The following YEATS2 variants were observed in gnomAD, a reference collection of about 807,000 sequenced individuals.
YEATS2 encodes YEATS domain containing 2, also known as YEATS domain-containing protein 2.
YEATS2 carries 77 observed loss-of-function variants against 163.2 expected under a neutral mutation model. The observed-to-expected ratio is 0.47, with a 90% CI of 0.39 to 0.57. The LOEUF (loss-of-function observed/expected upper bound fraction) is 0.57. Ranked by LOEUF, YEATS2 falls within the 20% of genes least tolerant of loss-of-function variation. YEATS2 has a pLI of 0.00. For missense variants in YEATS2, 1,549 were observed against 1,729.8 expected, an observed-to-expected ratio of 0.90 and a Z score of 1.85; for synonymous variants, 631 against 645.1, an observed-to-expected ratio of 0.98 and a Z score of 0.33.
intron 4 of YEATS2, among the ~76,000 whole-genome samples, chr3:183,721,062 T>G (rs1325126908): frequency 6.6e-6 from 1 of 152,238 alleles, no homozygotes; most frequent in Non-Finnish European, 1.5e-5. Context: ...ATCTGTGCTA[T>G]TTGATAGTCT....
At chr3:183,762,738 TG>T (rs1319885856) in intron 15 of YEATS2, among the ~76,000 whole-genome samples, 2 of 151,816 alleles carry the variant, frequency 1.3e-5, no homozygotes, top group Non-Finnish European at 2.9e-5. Context: ...GGAGAATTAA[TG>T]TATTGAGAGA....
At chr3:183,698,106 C>A (rs1382888699) in intron 1 of YEATS2, 113 bp downstream of exon 1, 1 of 151,954 alleles carries the variant, frequency 6.6e-6, no homozygotes, top group African/African-American at 2.4e-5. Context: ...CATCGGCAGG[C>A]AGCGCGGCAG....
intron 4 of YEATS2, among the ~76,000 whole-genome samples, chr3:183,720,927 G>A (rs1241205309): frequency 6.6e-6 from 1 of 152,100 alleles, no homozygotes; most frequent in Non-Finnish European, 1.5e-5. Flanking sequence ...TTCCCTCTGT[G>A]TGTGTCTTCT....
At chr3:183,790,737 G>A (rs572079361) in intron 20 of YEATS2, 60 bp from the exon 21 acceptor site, 249 of 1,572,890 alleles carry the variant, frequency 1.6e-4, no homozygotes, top group Middle Eastern at 3.4e-4. Context: ...CGTCACCGCC[G>A]TCAGTCATCA....
In YEATS2 at chr3:183,790,780, ACCC is replaced by A; in HGVS notation, c.2914-15_2914-13del. On this transcript the variant is annotated splice_polypyrimidine_tract_variant and intron_variant, in intron 20 of 30. Coordinates refer to ENST00000305135, the MANE Select transcript of YEATS2 (RefSeq NM_018023.5). ...TTCTTCCTGAACTGTGTTGTTTCGG[ACCC>A]CATGGGTGAGCAGTCTGAAGGAATG... 1 of 1,607,770 alleles carries A rather than the reference ACCC, an allele frequency of 6.2e-7. No homozygotes were observed. Among genetic ancestry groups the A allele is most frequent in the East Asian group, 2.2e-5 (1 of 44,706 alleles).
At chr3:183,715,914 G>T (rs1244570090) in intron 2 of YEATS2, among the ~76,000 whole-genome samples, 1 of 152,148 alleles carries the variant, frequency 6.6e-6, no homozygotes, top group South Asian at 2.1e-4. Context: ...TTGTTCCTCA[G>T]AATGTCTTAA....
intron 19 of YEATS2, among the ~76,000 whole-genome samples, chr3:183,781,540 C>T (rs567842639): frequency 4.6e-5 from 7 of 152,228 alleles, no homozygotes; most frequent in African/African-American, 1.7e-4. Flanking sequence ...ATCCCTCAGC[C>T]CACTCAAGTT....
intron 10 of YEATS2, among the ~76,000 whole-genome samples, chr3:183,752,579 G>A (rs1720289364): frequency 6.6e-6 from 1 of 151,090 alleles, no homozygotes; most frequent in African/African-American, 2.4e-5. Flanking sequence ...TGTGATGGTG[G>A]GTGCCTGTAG....
intron 8 of YEATS2, among the ~76,000 whole-genome samples, chr3:183,744,039 A>G (rs1255267714): frequency 6.6e-6 from 1 of 151,250 alleles, no homozygotes. Context: ...AAAAGGGCAC[A>G]CAGCCACTTT....
intron 21 of YEATS2, among the ~76,000 whole-genome samples, chr3:183,794,154 C>T (rs1018561378): frequency 1.2e-4 from 19 of 152,046 alleles, no homozygotes; most frequent in African/African-American, 4.1e-4. Context: ...TATGATCTGC[C>T]TTACCTTTTA....
At chr3:183,714,837 G>C (rs949923438) in intron 1 of YEATS2, among the ~76,000 whole-genome samples, 1 of 151,802 alleles carries the variant, frequency 6.6e-6, no homozygotes, top group Non-Finnish European at 1.5e-5. Flanking sequence ...TGAAAAGTCT[G>C]AACAATGTGC....
At position 183,738,391 on chromosome 3, in the gene YEATS2, CTT is replaced by C. The variant is rs1173865612; in HGVS notation, c.924+1586_924+1587del. On this transcript the variant is annotated intron_variant, in intron 8 of 30. Transcript: ENST00000305135. ...AAGTTGTAAATGCAAAGGAAAAGTT[CTT>C]TTTTTTTTTTTTTTTTTTTTTTTAA... Among the ~76,000 whole-genome samples the C allele has an allele frequency of 6.7e-3, 498 of 74,020 alleles. 1 individual carries two copies. The highest frequency in any genetic ancestry group is 0.015 in the African/African-American group (326 of 22,208). 48.6% of individuals were successfully genotyped at this position (74,020 alleles called of 152,430 possible). A position where few individuals can be genotyped will look rare whatever the true frequency, so the allele number is the denominator to read the frequency against.
Position 183,798,951 on chromosome 3 carries a change from C to T in YEATS2, c.3287C>T (p.Pro1096Leu), listed in dbSNP as rs866031237. 6.2e-7 allele frequency: 1 copy of T among 1,614,196 alleles called. No homozygotes were observed. The highest frequency in any genetic ancestry group is 1.1e-5 in the South Asian group (1 of 91,078). The change falls in exon 23 of 31, where the codon CCA becomes CTA. Residue 1096 changes from proline to leucine, a missense_variant. Physicochemically the swap from Pro to Leu is moderately conservative, Grantham distance 98. Transcript: ENST00000305135. ...PAILPVAAPT[P>L]VVPSSAPAAV... The stretch of plus-strand genomic sequence containing the variant: ...ATTCTGCCTGTAGCTGCCCCAACTC[C>T]AGTTGTCCCCAGCTCTGCTCCAGCA...
intron 28 of YEATS2, chr3:183,807,678 C>T: frequency 4.3e-6 from 1 of 231,580 alleles, no homozygotes; most frequent in East Asian, 1.2e-4. Context: ...GGGCAAGATG[C>T]AGTTTCCAAG....
At chr3:183,705,032 A>G (rs1714482239) in intron 1 of YEATS2, among the ~76,000 whole-genome samples, 1 of 151,886 alleles carries the variant, frequency 6.6e-6, no homozygotes, top group Admixed American at 6.6e-5. Flanking sequence ...ATATATCTAT[A>G]TCATCTTTTT....
At chr3:183,805,307 G>A (rs1328611048) in intron 27 of YEATS2, among the ~76,000 whole-genome samples, 1 of 151,932 alleles carries the variant, frequency 6.6e-6, no homozygotes, top group Non-Finnish European at 1.5e-5. Flanking sequence ...ACTAAGGTGA[G>A]AGGGATCACT....
intron 14 of YEATS2, 57 bp downstream of exon 14, chr3:183,761,671 GAGT>G: frequency 6.7e-7 from 1 of 1,496,708 alleles, no homozygotes; most frequent in African/African-American, 1.4e-5. Flanking sequence ...TGGCATGTTG[GAGT>G]TCATTGCCAC....
intron 1 of YEATS2, among the ~76,000 whole-genome samples, chr3:183,709,453 G>A (rs1478849173): frequency 6.7e-6 from 1 of 149,376 alleles, no homozygotes; most frequent in Admixed American, 6.7e-5. Flanking sequence ...TCGTGCCTCA[G>A]CCTCCCGAGT....
intron 12 of YEATS2, among the ~76,000 whole-genome samples, chr3:183,758,529 T>C (rs1721002864): frequency 6.6e-6 from 1 of 152,164 alleles, no homozygotes; most frequent in Admixed American, 6.5e-5. Context: ...TAGAATACGT[T>C]ATAGTGTCTT....
Sources: allele counts gnomAD v4.1 joint callset (sites outside exome capture counted in the v4.1 genomes callset), GRCh38; gene constraint gnomAD v4.1.1; transcripts MANE v1.5; gene names NCBI Gene and HGNC (gene_info 2026-07-23, HGNC 2026-07-21).